The following MRTFA variants were observed in gnomAD, a reference collection of about 807,000 sequenced individuals.
MRTFA encodes the protein myocardin-related transcription factor A.
Under a neutral mutation model 83.5 loss-of-function variants are expected in MRTFA, and 20 were observed. The observed-to-expected ratio is 0.24, with a 90% confidence interval of 0.17 to 0.35. The LOEUF (loss-of-function observed/expected upper bound fraction) is 0.35, where lower values mean the gene tolerates loss of function less well. Ranked by LOEUF, MRTFA falls within the 10% of genes least tolerant of loss-of-function variation. The pLI is 1.00. For synonymous variants in MRTFA, 659 were observed against 541.2 expected (o/e 1.22, Z -3.02); for missense variants, 1,200 against 1,224.7 (o/e 0.98, Z 0.30).
chr22:40,417,708 T>C (rs901787647), intron 12 of MRTFA: 2 of 554,880 alleles, frequency 3.6e-6, no homozygotes, highest in Middle Eastern at 4.8e-4. Flanking sequence ...GCCTGGCCCC[T>C]TGAGGTTTGG....
intron 1 of MRTFA, among the ~76,000 whole-genome samples, chr22:40,617,065 T>G (rs552346661): frequency 6.6e-6 from 1 of 151,058 alleles, no homozygotes; most frequent in East Asian, 2.0e-4. Flanking sequence ...CTGGCATCAC[T>G]GCACTCCAGC....
At chr22:40,533,617 C>T in intron 3 of MRTFA, 1 of 1,230,708 alleles carries the variant, frequency 8.1e-7, no homozygotes, top group Non-Finnish European at 1.0e-6. Context: ...ATTAACATCT[C>T]AGGTTCCAGT....
intron 11 of MRTFA, 114 bp downstream of exon 11, chr22:40,420,291 C>T: frequency 1.6e-6 from 2 of 1,257,058 alleles, no homozygotes; most frequent in Non-Finnish European, 2.2e-6. Context: ...GCTCTGCTTT[C>T]CATGACGGTG....
At chr22:40,492,272 T>C (rs1261011699) in intron 3 of MRTFA, among the ~76,000 whole-genome samples, 2 of 152,174 alleles carry the variant, frequency 1.3e-5, no homozygotes, top group Non-Finnish European at 1.5e-5. Flanking sequence ...GTGCAAAGGG[T>C]TGCAAGAACA....
In MRTFA at chr22:40,418,522, T is replaced by G; in HGVS notation, c.2216A>C (p.Gln739Pro). 1 of 1,590,684 alleles carries G rather than the reference T, an allele frequency of 6.3e-7. No homozygotes were observed. Among genetic ancestry groups the G allele is most frequent in the Non-Finnish European group, 8.5e-7 (1 of 1,172,698 alleles). The change falls in exon 12 of 15, where the codon CAG becomes CCG. Residue 739 changes from glutamine to proline, a missense_variant. Coordinates refer to ENST00000355630, the MANE Select transcript of MRTFA (RefSeq NM_020831.6). ...GGGGCCCTGAGGCCCCAGAAGCAAC[T>G]GGGGGGCGGGGACCGGCTCGGGCTC...
chr22:40,600,850 C>T (rs973393747), intron 1 of MRTFA, among the ~76,000 whole-genome samples: 3 of 152,102 alleles, frequency 2.0e-5, no homozygotes, highest in Non-Finnish European at 2.9e-5. Flanking sequence ...TGGTGGCACA[C>T]GCCTGTAGTC....
chr22:40,487,356 A>G (rs547458952), intron 3 of MRTFA, among the ~76,000 whole-genome samples: 39 of 152,362 alleles, frequency 2.6e-4, no homozygotes, highest in African/African-American at 9.4e-4. Context: ...AGCTACTTTC[A>G]TACGTATCTC....
At chr22:40,425,619 G>A (rs2052937874) in intron 7 of MRTFA, among the ~76,000 whole-genome samples, 1 of 152,200 alleles carries the variant, frequency 6.6e-6, no homozygotes, top group South Asian at 2.1e-4. Flanking sequence ...CCCCTCATCT[G>A]TCCCAGCAGG....
At chr22:40,424,666 C>T (rs2052916208) in intron 7 of MRTFA, among the ~76,000 whole-genome samples, 1 of 152,218 alleles carries the variant, frequency 6.6e-6, no homozygotes, top group Non-Finnish European at 1.5e-5. Context: ...TAACTCTATA[C>T]TGTGTTTAGT....
chr22:40,477,408 A>T (rs571022184), intron 3 of MRTFA, among the ~76,000 whole-genome samples: 78 of 152,044 alleles, frequency 5.1e-4, no homozygotes, highest in African/African-American at 1.9e-3. Flanking sequence ...ACCAAAAGAC[A>T]TCAGAGAAAG....
chr22:40,427,505 G>A (rs1279424825), intron 7 of MRTFA, among the ~76,000 whole-genome samples: 2 of 152,154 alleles, frequency 1.3e-5, no homozygotes, highest in East Asian at 1.9e-4. Context: ...TTCTCTGAAG[G>A]CACAGCTGCC....
At chr22:40,503,875 T>C (rs1373268418) in intron 3 of MRTFA, among the ~76,000 whole-genome samples, 1 of 151,986 alleles carries the variant, frequency 6.6e-6, no homozygotes, top group East Asian at 1.9e-4. Context: ...TGAGCTGAGA[T>C]CGTGCCACTG....
At chr22:40,611,675 A>G (rs1433921280) in intron 1 of MRTFA, among the ~76,000 whole-genome samples, 3 of 152,324 alleles carry the variant, frequency 2.0e-5, no homozygotes, top group Admixed American at 6.5e-5. Context: ...AGAAATGACA[A>G]TTATCAGTAC....
chr22:40,512,019 T>C (rs532628834), intron 3 of MRTFA, among the ~76,000 whole-genome samples: 1 of 152,156 alleles, frequency 6.6e-6, no homozygotes, highest in Admixed American at 6.6e-5. Flanking sequence ...GGAGGGAACA[T>C]AGAACAGGTG....
At chr22:40,424,064 C>T (rs955811597) in intron 8 of MRTFA, 142 bp downstream of exon 8, 49 of 951,932 alleles carry the variant, frequency 5.1e-5, no homozygotes, top group Middle Eastern at 6.9e-4. Flanking sequence ...GCTCAAGCAG[C>T]CAGCACCTAA....
At chr22:40,419,823 G>A (rs370291466) in intron 11 of MRTFA, among the ~76,000 whole-genome samples, 127 of 152,352 alleles carry the variant, frequency 8.3e-4, no homozygotes, top group Middle Eastern at 3.4e-3. Context: ...GAGAAAACAC[G>A]CAAGGCACTG....
intron 4 of MRTFA, among the ~76,000 whole-genome samples, chr22:40,460,834 C>A (rs2053697646): frequency 6.6e-6 from 1 of 152,142 alleles, no homozygotes; most frequent in Admixed American, 6.5e-5. Context: ...GGTAAATAGT[C>A]TGGCAGTGAA....
intron 4 of MRTFA, among the ~76,000 whole-genome samples, chr22:40,440,419 A>G (rs1223920762): frequency 6.6e-6 from 1 of 152,180 alleles, no homozygotes; most frequent in African/African-American, 2.4e-5. Context: ...CAAATGTGTC[A>G]GTTTCTCTCA....
At position 40,417,689 on chromosome 22, in the gene MRTFA, G is replaced by A. The variant is rs943912018; in HGVS notation, c.2365-196C>T. 1.2e-5 allele frequency: 7 copies of A among 574,254 alleles called. No individual in the cohort carries two copies. The African/African-American group carries it at 1.3e-4, about 11-fold the overall frequency. 35.6% of individuals were successfully genotyped at this position (574,254 alleles called of 1,614,324 possible). ...TACAGGATGGGGGGCCCTCAACCCT[G>A]CAGGGGGTGCCTGGCCCCTTGAGGT... On this transcript the variant is annotated intron_variant, in intron 12 of 14. Coordinates refer to ENST00000355630, the MANE Select transcript of MRTFA (RefSeq NM_020831.6).
Sources: allele counts gnomAD v4.1 joint callset (sites outside exome capture counted in the v4.1 genomes callset), GRCh38; gene constraint gnomAD v4.1.1; transcripts MANE v1.5; gene names NCBI Gene and HGNC (gene_info 2026-07-23, HGNC 2026-07-21).